PTPN3: variants seen among roughly 807,000 people sequenced by gnomAD.
PTPN3 encodes the protein tyrosine-protein phosphatase non-receptor type 3.
A neutral mutation model predicts 132.7 loss-of-function variants in PTPN3; 96 were observed. That is an observed-to-expected ratio of 0.72 (90% CI 0.61 to 0.86). PTPN3 has a LOEUF of 0.86. Among genes scored for constraint, PTPN3 ranks in the 40% least tolerant of loss-of-function variants. PTPN3 has a pLI of 0.00. For synonymous variants in PTPN3, 398 were observed against 429.0 expected, an observed-to-expected ratio of 0.93 and a Z score of 0.89; for missense variants, 1,125 against 1,159.6, an observed-to-expected ratio of 0.97 and a Z score of 0.43.
intron 17 of PTPN3, among the ~76,000 whole-genome samples, chr9:109,407,759 G>A (rs1446065915): frequency 6.6e-6 from 1 of 152,120 alleles, no homozygotes; most frequent in Non-Finnish European, 1.5e-5. Flanking sequence ...GGCCAGGCAG[G>A]TTGGTCTCAA....
intron 19 of PTPN3, among the ~76,000 whole-genome samples, chr9:109,394,983 CA>C (rs1840448871): frequency 6.6e-6 from 1 of 151,584 alleles, no homozygotes; most frequent in South Asian, 2.1e-4. Flanking sequence ...ACTAAAAATA[CA>C]AAAAAATTAG....
At chr9:109,411,033 A>T (rs1842040322) in intron 14 of PTPN3, among the ~76,000 whole-genome samples, 2 of 152,166 alleles carry the variant, frequency 1.3e-5, no homozygotes, top group East Asian at 1.9e-4. Context: ...GCCACTAGTT[A>T]TATGTGGCTA....
At chr9:109,508,026 A>C in the PTPN3 span, among the ~76,000 whole-genome samples, 2 of 151,946 alleles carry the variant, frequency 1.3e-5, no homozygotes, top group Non-Finnish European at 2.9e-5. Flanking sequence ...ACCTCCCGAA[A>C]CAACACATTC....
Position 109,383,408 on chromosome 9 carries a change from C to CA in PTPN3, c.2382+14dup. ...GCACCTGCCCCTCCACCGTGCCCCT[C>CA]AGGCTGCGGCTCACCTGGGTGTTTG... On this transcript the variant is annotated intron_variant, in intron 23 of 25. Coordinates refer to ENST00000374541, the MANE Select transcript of PTPN3 (RefSeq NM_002829.4). 6.2e-7 allele frequency: 1 copy of CA among 1,614,068 alleles called. No homozygotes were observed. The highest frequency in any genetic ancestry group is 2.2e-5 in the East Asian group (1 of 44,874).
chr9:109,450,113 T>A, intron 5 of PTPN3: 1 of 984,562 alleles, frequency 1.0e-6, no homozygotes. Context: ...TTCTTATATG[T>A]TTAATGGCTA....
intron 1 of PTPN3, among the ~76,000 whole-genome samples, chr9:109,485,090 G>A (rs575203229): frequency 1.8e-4 from 28 of 152,296 alleles, no homozygotes; most frequent in African/African-American, 6.3e-4. Flanking sequence ...GTAGCCAGAC[G>A]TGGTGGTGTG....
At chr9:109,490,402 T>C (rs910618292) in intron 1 of PTPN3, among the ~76,000 whole-genome samples, 1 of 152,154 alleles carries the variant, frequency 6.6e-6, no homozygotes, top group Non-Finnish European at 1.5e-5. Context: ...AGACTCAATG[T>C]GAGGGGCATT....
At chr9:109,434,690 T>G (rs1388731641) in intron 9 of PTPN3, among the ~76,000 whole-genome samples, 1 of 152,206 alleles carries the variant, frequency 6.6e-6, no homozygotes, top group Non-Finnish European at 1.5e-5. Context: ...ACCTACTAGC[T>G]ATATAATGTT....
At chr9:109,527,635 A>G in the PTPN3 span, among the ~76,000 whole-genome samples, 1 of 152,348 alleles carries the variant, frequency 6.6e-6, no homozygotes, top group East Asian at 1.9e-4. Context: ...TCCCAACTGG[A>G]ATAAAAGATA....
chr9:109,402,611 C>T (rs1199445386), intron 19 of PTPN3, among the ~76,000 whole-genome samples: 1 of 152,108 alleles, frequency 6.6e-6, no homozygotes, highest in East Asian at 1.9e-4. Context: ...AAAGTGTGAA[C>T]AGCCTCCTGT....
chr9:109,466,112 C>A (rs1473592894), intron 1 of PTPN3, among the ~76,000 whole-genome samples: 1 of 152,172 alleles, frequency 6.6e-6, no homozygotes, highest in African/African-American at 2.4e-5. Flanking sequence ...GCTTCTCCCA[C>A]TAGATGCGAA....
chr9:109,384,765 A>G (rs902382097), intron 22 of PTPN3, among the ~76,000 whole-genome samples: 1 of 152,264 alleles, frequency 6.6e-6, no homozygotes, highest in Non-Finnish European at 1.5e-5. Context: ...ACCATAAGAC[A>G]TATGTAATTT....
intron 13 of PTPN3, among the ~76,000 whole-genome samples, chr9:109,421,234 C>T (rs558086914): frequency 1.3e-5 from 2 of 152,334 alleles, no homozygotes; most frequent in East Asian, 3.9e-4. Context: ...CTGTACTTAC[C>T]TGCTCCTGAG....
At chr9:109,419,264 G>C (rs1279279310) in intron 14 of PTPN3, among the ~76,000 whole-genome samples, 6 of 152,210 alleles carry the variant, frequency 3.9e-5, no homozygotes, top group Non-Finnish European at 5.9e-5. Context: ...AGAGGTAGCA[G>C]CCTCACATAC....
At chr9:109,446,674 A>G (rs1034275203) in intron 6 of PTPN3, among the ~76,000 whole-genome samples, 3 of 152,216 alleles carry the variant, frequency 2.0e-5, no homozygotes, top group African/African-American at 4.8e-5. Flanking sequence ...AACTTAGAAA[A>G]GAGGCTGAGG....
At chr9:109,402,262 C>T (rs1361143002) in intron 19 of PTPN3, among the ~76,000 whole-genome samples, 3 of 152,000 alleles carry the variant, frequency 2.0e-5, no homozygotes, top group Admixed American at 2.0e-4. Flanking sequence ...AAGGCAAGGC[C>T]AGAGAAGATA....
chr9:109,507,596 T>C, the PTPN3 span, among the ~76,000 whole-genome samples: 9 of 152,222 alleles, frequency 5.9e-5, no homozygotes, highest in African/African-American at 1.9e-4. Context: ...ACACAGTCAT[T>C]GCATCACAGT....
chr9:109,416,772 C>T (rs1842537812), intron 14 of PTPN3, among the ~76,000 whole-genome samples: 1 of 152,034 alleles, frequency 6.6e-6, no homozygotes, highest in Non-Finnish European at 1.5e-5. Flanking sequence ...AAATAAAAAA[C>T]AATGGCTGCC....
intron 19 of PTPN3, among the ~76,000 whole-genome samples, chr9:109,399,456 T>C (rs1455091932): frequency 6.6e-6 from 1 of 152,178 alleles, no homozygotes; most frequent in Admixed American, 6.5e-5. Context: ...ATGCTGGCCA[T>C]ATCGATTTCA....
Sources: gnomAD v4.1 joint callset for allele counts (sites outside exome capture counted in the v4.1 genomes callset) on GRCh38, gnomAD v4.1.1 for gene constraint, MANE v1.5 for transcripts, NCBI Gene and HGNC (gene_info 2026-07-23, HGNC 2026-07-21) for gene names.